MKLN1: variants seen among roughly 807,000 people sequenced by gnomAD.
MKLN1 encodes muskelin.
Under a neutral mutation model 99.0 loss-of-function variants are expected in MKLN1, and 18 were observed. The ratio of observed to expected loss-of-function variants is 0.18; its 90% CI spans 0.13 to 0.27. The LOEUF is 0.27. Among genes scored for constraint, MKLN1 ranks in the 10% least tolerant of loss-of-function variants. MKLN1 has a pLI of 1.00. For synonymous variants in MKLN1, 288 were observed against 293.2 expected, an observed-to-expected ratio of 0.98 and a Z score of 0.18; for missense variants, 621 against 875.9, an observed-to-expected ratio of 0.71 and a Z score of 3.67.
intron 11 of MKLN1, among the ~76,000 whole-genome samples, chr7:131,444,598 C>T (rs1167519488): frequency 1.3e-5 from 2 of 150,944 alleles, no homozygotes; most frequent in African/African-American, 4.9e-5. Flanking sequence ...TTCTTTTTAC[C>T]CCGACTGGAG....
intron 15 of MKLN1, among the ~76,000 whole-genome samples, chr7:131,467,552 A>G (rs889170602): frequency 2.0e-5 from 3 of 152,140 alleles, no homozygotes; most frequent in Admixed American, 6.5e-5. Flanking sequence ...AGTGTTCTAG[A>G]TAGGTAATAG....
At position 131,375,603 on chromosome 7, in the gene MKLN1, T is replaced by G. The variant is rs897104859; in HGVS notation, c.168+110T>G. The G allele has an allele frequency of 4.4e-6, 3 of 677,534 alleles. No individual in the cohort carries two copies. The African/African-American group carries it at 5.5e-5, about 12-fold the overall frequency. 42.0% of individuals were successfully genotyped at this position (677,534 alleles called of 1,614,324 possible). ...TAATAGTTTATTCTCTTTTTGAGAT[T>G]GTGAGGTAAATTTTTATTCTCTCTA... On this transcript the variant is annotated intron_variant, in intron 2 of 17. Transcript: ENST00000352689.
At chr7:131,344,720 T>C (rs903831236) in intron 1 of MKLN1, among the ~76,000 whole-genome samples, 12 of 152,214 alleles carry the variant, frequency 7.9e-5, no homozygotes, top group Non-Finnish European at 1.3e-4. Flanking sequence ...GCTGGTTGTT[T>C]GTTAAATGCA....
intron 3 of MKLN1, among the ~76,000 whole-genome samples, chr7:131,226,300 C>A (rs1474788609): frequency 3.9e-5 from 6 of 152,162 alleles, no homozygotes; most frequent in Admixed American, 3.9e-4. Context: ...GTAAACAAGC[C>A]CTTTCTGCAG....
intron 3 of MKLN1, among the ~76,000 whole-genome samples, chr7:131,269,078 G>T (rs1244916136): frequency 6.6e-6 from 1 of 152,156 alleles, no homozygotes; most frequent in Non-Finnish European, 1.5e-5. Context: ...TCATCAGATG[G>T]TTCTCATTAC....
intron 2 of MKLN1, among the ~76,000 whole-genome samples, chr7:131,165,758 T>A (rs193125359): frequency 1.3e-5 from 2 of 152,248 alleles, no homozygotes; most frequent in East Asian, 3.9e-4. Flanking sequence ...AGGAAGATTG[T>A]TCTAGCGGCA....
chr7:131,411,964 G>A (rs1346191398), intron 7 of MKLN1, among the ~76,000 whole-genome samples: 1 of 142,202 alleles, frequency 7.0e-6, no homozygotes, highest in African/African-American at 2.6e-5. Context: ...GCAGGCATCT[G>A]TGGTCCCAGC....
chr7:131,322,931 C>A (rs1039391015), upstream of MKLN1, among the ~76,000 whole-genome samples: 5 of 152,176 alleles, frequency 3.3e-5, no homozygotes, highest in Admixed American at 2.0e-4. Flanking sequence ...ATGAAAACAG[C>A]ATGGGGGAAA....
chr7:131,183,696 A>G (rs866395454), intron 2 of MKLN1, among the ~76,000 whole-genome samples: 2 of 152,158 alleles, frequency 1.3e-5, no homozygotes, highest in Non-Finnish European at 2.9e-5. Context: ...TGGTCAACTC[A>G]ATGTTTCTGA....
intron 3 of MKLN1, among the ~76,000 whole-genome samples, chr7:131,272,202 C>T (rs944846554): frequency 6.6e-6 from 1 of 152,186 alleles, no homozygotes; most frequent in East Asian, 1.9e-4. Flanking sequence ...CTACATGCAG[C>T]TGTTACATGG....
intron 1 of MKLN1, among the ~76,000 whole-genome samples, chr7:131,132,038 T>C (rs1434556410): frequency 4.6e-5 from 7 of 152,222 alleles, no homozygotes; most frequent in Non-Finnish European, 8.8e-5. Context: ...CTTTCCACTT[T>C]TTACTACTGG....
At chr7:131,166,030 G>C (rs1584803031) in intron 2 of MKLN1, among the ~76,000 whole-genome samples, 2 of 152,228 alleles carry the variant, frequency 1.3e-5, no homozygotes, top group East Asian at 3.9e-4. Context: ...TGGGAGGACT[G>C]CTTGAACCTG....
intron 1 of MKLN1, among the ~76,000 whole-genome samples, chr7:131,342,007 C>A (rs1204388582): frequency 6.6e-6 from 1 of 152,200 alleles, no homozygotes; most frequent in African/African-American, 2.4e-5. Context: ...CACTTATTGG[C>A]TATTATGAAT....
At chr7:131,305,884 G>A (rs904637122) in intron 3 of MKLN1, among the ~76,000 whole-genome samples, 18 of 152,136 alleles carry the variant, frequency 1.2e-4, no homozygotes, top group South Asian at 6.2e-4. Context: ...ATATGGAGAC[G>A]CATACTGAAA....
rs555003044 is a variant in MKLN1, at chr7:131,475,021, G to C, written c.2032-3602G>C. ...ATCTCATGAGAACTCACTATCACAA[G>C]AACAGCAAGGGGGAAATTGGCCCCT... On this transcript the variant is annotated intron_variant, in intron 16 of 17. Transcript: ENST00000352689. Among the ~76,000 whole-genome samples, 5 of 152,164 alleles carry C rather than the reference G, an allele frequency of 3.3e-5. No individual in the cohort carries two copies. In the South Asian group the frequency reaches 1.0e-3, roughly 32 times the overall value.
chr7:131,426,065 A>G (rs1795348434), intron 8 of MKLN1, among the ~76,000 whole-genome samples: 1 of 152,162 alleles, frequency 6.6e-6, no homozygotes, highest in African/African-American at 2.4e-5. Context: ...TGGGACCACA[A>G]AGCTTTCATG....
intron 1 of MKLN1, among the ~76,000 whole-genome samples, chr7:131,352,455 A>G (rs2116767975): frequency 6.6e-6 from 1 of 152,244 alleles, no homozygotes; most frequent in African/African-American, 2.4e-5. Flanking sequence ...AAATATCTTG[A>G]ATTTATACTG....
chr7:131,268,099 G>C (rs1457181705), intron 3 of MKLN1, among the ~76,000 whole-genome samples: 2 of 152,154 alleles, frequency 1.3e-5, no homozygotes, highest in Non-Finnish European at 2.9e-5. Flanking sequence ...TTTCACACGA[G>C]AACTAGTTTG....
intron 3 of MKLN1, among the ~76,000 whole-genome samples, chr7:131,302,234 A>G (rs1466494235): frequency 6.6e-6 from 1 of 152,208 alleles, no homozygotes; most frequent in Non-Finnish European, 1.5e-5. Context: ...GAGCTCCTCA[A>G]TAACCAGGTG....
Sources: allele counts gnomAD v4.1 joint callset (sites outside exome capture counted in the v4.1 genomes callset), GRCh38; gene constraint gnomAD v4.1.1; transcripts MANE v1.5; gene names NCBI Gene and HGNC (gene_info 2026-07-23, HGNC 2026-07-21).